The following LUZP1 variants were observed in gnomAD, a reference collection of about 807,000 sequenced individuals.
LUZP1 encodes leucine zipper protein 1, also known as filamin mechanobinding actin cross-linking protein.
In LUZP1, 25 loss-of-function variants were observed where a neutral mutation model predicts 71.3. The observed-to-expected ratio is 0.35, with a 90% CI of 0.26 to 0.49. The LOEUF (loss-of-function observed/expected upper bound fraction) is 0.49, where lower values mean the gene tolerates loss of function less well. Among genes scored for constraint, LUZP1 ranks in the 20% least tolerant of loss-of-function variants. The pLI is 0.99. For synonymous variants in LUZP1, 481 were observed against 506.4 expected (o/e 0.95, Z 0.67); for missense variants, 1,142 against 1,300.8 (o/e 0.88, Z 1.88).
intron 3 of LUZP1, among the ~76,000 whole-genome samples, chr1:23,103,906 GGAA>G (rs1557641462): frequency 1.4e-4 from 5 of 35,910 alleles, no homozygotes; most frequent in Non-Finnish European, 2.0e-4. Flanking sequence ...GAGGGAGGGG[GGAA>G]GGAGGGAGGG....
In LUZP1 at chr1:23,141,788, T is replaced by A. The variant is rs1185390650; in HGVS notation, c.-226+26978A>T. Among the ~76,000 whole-genome samples the A allele has an allele frequency of 2.0e-5, 3 of 151,794 alleles. No individual in the cohort carries two copies. The East Asian group carries it at 5.8e-4, about 29-fold the overall frequency. ...TTGACCTCCTGGGCTCAAGCGATCC[T>A]CTCACCTCAGCCTCCCAGGCAGCTG... On this transcript the variant is annotated intron_variant, in intron 2 of 4. Coordinates refer to ENST00000302291, the Ensembl canonical transcript of LUZP1.
chr1:23,139,019 A>AATAAAT (rs1644281410), intron 2 of LUZP1, among the ~76,000 whole-genome samples: 1 of 59,962 alleles, frequency 1.7e-5, no homozygotes, highest in Non-Finnish European at 2.7e-5. Context: ...AAAAAAAAAA[A>AATAAAT]ATATATATAT....
intron 3 of LUZP1, among the ~76,000 whole-genome samples, chr1:23,095,463 T>C (rs1643887428): frequency 6.6e-6 from 1 of 152,084 alleles, no homozygotes; most frequent in Non-Finnish European, 1.5e-5. Flanking sequence ...AAAAGAAAAC[T>C]AAATGAAAAA....
exon 4 of LUZP1, chr1:23,091,314 C>A (rs1643848980): frequency 6.2e-7 from 1 of 1,613,928 alleles, no homozygotes; most frequent in Non-Finnish European, 8.5e-7. Flanking sequence ...AGGGGCATCC[C>A]CTGAACTTGG....
intron 3 of LUZP1, among the ~76,000 whole-genome samples, chr1:23,098,162 A>G (rs1643903482): frequency 6.6e-6 from 1 of 152,248 alleles, no homozygotes; most frequent in South Asian, 2.1e-4. Flanking sequence ...ACCAGATCGA[A>G]GCACTGCAGA....
chr1:23,168,788 C>T (rs533371380), exon 2 of LUZP1: 2 of 153,082 alleles, frequency 1.3e-5, no homozygotes, highest in Non-Finnish European at 2.9e-5. Flanking sequence ...GAACCGCGCT[C>T]CCGCCAGCGA....
chr1:23,128,559 A>T (rs1449629789), intron 2 of LUZP1, among the ~76,000 whole-genome samples: 1 of 152,250 alleles, frequency 6.6e-6, no homozygotes, highest in Non-Finnish European at 1.5e-5. Flanking sequence ...TTAAAACCCC[A>T]TTATATTTGG....
chr1:23,091,759 T>C, exon 4 of LUZP1: 1 of 1,614,094 alleles, frequency 6.2e-7, no homozygotes, highest in Non-Finnish European at 8.5e-7. Flanking sequence ...ACATGGTTGC[T>C]AACTGATGTG....
chr1:23,090,846 T>G (rs1020403065), intron 4 of LUZP1: 14 of 716,946 alleles, frequency 2.0e-5, no homozygotes, highest in Middle Eastern at 2.4e-4. Context: ...TGCAGCTGCT[T>G]CTTGTGCTTT....
At chr1:23,148,202 C>A (rs1329293728) in intron 2 of LUZP1, among the ~76,000 whole-genome samples, 2 of 152,184 alleles carry the variant, frequency 1.3e-5, no homozygotes, top group Non-Finnish European at 2.9e-5. Flanking sequence ...GACCCGGAAC[C>A]TTCAGACTGA....
rs555835898 is a variant in LUZP1 at position 23,150,890 on chromosome 1, AGTTT to A, written c.-226+17872_-226+17875del. Among the ~76,000 whole-genome samples the A allele has an allele frequency of 3.3e-3, 495 of 152,220 alleles. 2 individuals carry two copies. Among genetic ancestry groups the A allele is most frequent in the African/African-American group, 0.011 (477 of 41,544 alleles). On this transcript the variant is annotated intron_variant, in intron 2 of 4. Transcript: ENST00000302291. ...TAGCAAGTTGCTGAACTGTGTCAAC[AGTTT>A]GTTTGTGTTTGTTTTTCGAATTGGA...
intron 2 of LUZP1, chr1:23,164,040 A>G (rs1644490479): frequency 6.6e-6 from 1 of 152,214 alleles, no homozygotes; most frequent in Non-Finnish European, 1.5e-5. Flanking sequence ...ACACTATTAT[A>G]GTCACCCCTT....
chr1:23,177,250 A>C (rs555539532), intron 1 of LUZP1, among the ~76,000 whole-genome samples: 1 of 152,274 alleles, frequency 6.6e-6, no homozygotes, highest in East Asian at 1.9e-4. Context: ...TCGAAGAAAA[A>C]TGCAACACAC....
At chr1:23,102,410 C>CCAACACAG (rs1055995171) in intron 3 of LUZP1, among the ~76,000 whole-genome samples, 1 of 152,162 alleles carries the variant, frequency 6.6e-6, no homozygotes, top group Non-Finnish European at 1.5e-5. Flanking sequence ...GCCCCTTCTC[C>CCAACACAG]CAACACAGCT....
chr1:23,137,242 G>A (rs532325674), intron 2 of LUZP1, among the ~76,000 whole-genome samples: 2 of 152,294 alleles, frequency 1.3e-5, no homozygotes, highest in African/African-American at 2.4e-5. Flanking sequence ...AACTAAAAAT[G>A]GGCAAAGGAT....
chr1:23,092,597 A>C, exon 4 of LUZP1: 1 of 1,614,200 alleles, frequency 6.2e-7, no homozygotes, highest in Non-Finnish European at 8.5e-7. Context: ...CAGAGTTTGC[A>C]GCCTGAGTTA....
intron 3 of LUZP1, among the ~76,000 whole-genome samples, chr1:23,105,179 A>C (rs1202856968): frequency 6.6e-6 from 1 of 152,208 alleles, no homozygotes; most frequent in Non-Finnish European, 1.5e-5. Context: ...AAGAGATGGG[A>C]TAAGGGCCTG....
At chr1:23,135,041 T>C (rs1298766896) in intron 2 of LUZP1, among the ~76,000 whole-genome samples, 1 of 152,060 alleles carries the variant, frequency 6.6e-6, no homozygotes, top group Admixed American at 6.5e-5. Context: ...CTCAATCCCC[T>C]GGAGTATGTT....
At chr1:23,089,137 C>T in intron 4 of LUZP1, 84 bp from the exon 4 acceptor site, 1 of 1,335,694 alleles carries the variant, frequency 7.5e-7, no homozygotes, top group Non-Finnish European at 1.1e-6. Flanking sequence ...ATAGTGGGTC[C>T]TTTCCAACCC....
Sources: allele counts gnomAD v4.1 joint callset (sites outside exome capture counted in the v4.1 genomes callset), GRCh38; gene constraint gnomAD v4.1.1; transcripts MANE v1.5; gene names NCBI Gene and HGNC (gene_info 2026-07-23, HGNC 2026-07-21).